The following KATNAL2 variants were observed in gnomAD, a reference collection of about 807,000 sequenced individuals.
KATNAL2 encodes katanin p60 ATPase-containing subunit A-like 2.
In KATNAL2, 52 loss-of-function variants were observed where a neutral mutation model predicts 76.3. The ratio of observed to expected loss-of-function variants is 0.68; its 90% CI spans 0.55 to 0.86. The LOEUF is 0.86. Among genes scored for constraint, KATNAL2 ranks in the 40% least tolerant of loss-of-function variants. The pLI is 0.00. For synonymous variants in KATNAL2, 243 were observed against 244.2 expected (o/e 1.00, Z 0.05); for missense variants, 660 against 668.9 (o/e 0.99, Z 0.15).
chr18:47,097,064 A>T (rs1017315184), intron 15 of KATNAL2, among the ~76,000 whole-genome samples: 1 of 146,614 alleles, frequency 6.8e-6, no homozygotes, highest in African/African-American at 2.5e-5. Context: ...GGTTGCAGTG[A>T]GCTGTGACGG....
chr18:47,098,901 G>C (rs2063359158), intron 15 of KATNAL2: 2 of 200,004 alleles, frequency 1.0e-5, no homozygotes, highest in Non-Finnish European at 2.0e-5. Context: ...CTGGTTGTTA[G>C]TTGGTTTTTG....
intron 3 of KATNAL2, among the ~76,000 whole-genome samples, chr18:47,036,772 C>T (rs1185711404): frequency 6.6e-6 from 1 of 152,210 alleles, no homozygotes; most frequent in Non-Finnish European, 1.5e-5. Flanking sequence ...TTAGGGAACA[C>T]TTGGTCCTAT....
intron 3 of KATNAL2, among the ~76,000 whole-genome samples, chr18:46,958,148 A>G (rs2059821236): frequency 6.6e-6 from 1 of 151,192 alleles, no homozygotes; most frequent in Non-Finnish European, 1.5e-5. Flanking sequence ...CTGCATTTGG[A>G]CTCAAACTGA....
At chr18:47,033,366 G>C in intron 3 of KATNAL2, 6 of 1,614,174 alleles carry the variant, frequency 3.7e-6, no homozygotes, top group Non-Finnish European at 5.1e-6. Context: ...TGCCGTTGGG[G>C]TTGTTTCCAC....
intron 3 of KATNAL2, among the ~76,000 whole-genome samples, chr18:46,962,218 C>G (rs1330062274): frequency 7.1e-6 from 1 of 141,816 alleles, no homozygotes; most frequent in Non-Finnish European, 1.5e-5. Flanking sequence ...CCAGCCTGTT[C>G]TCCACCTCCT....
intron 4 of KATNAL2, among the ~76,000 whole-genome samples, chr18:47,050,855 C>G (rs779346947): frequency 4.6e-5 from 7 of 152,034 alleles, no homozygotes; most frequent in Non-Finnish European, 1.0e-4. Flanking sequence ...ATGAATAGAC[C>G]GATGTGATGT....
intron 1 of KATNAL2, among the ~76,000 whole-genome samples, chr18:46,926,516 A>G (rs866588240): frequency 5.3e-5 from 8 of 152,106 alleles, no homozygotes; most frequent in South Asian, 4.1e-4. Context: ...TATGTGGTCA[A>G]TTTTGGAGTA....
chr18:46,961,164 T>G (rs1444546847), intron 3 of KATNAL2, among the ~76,000 whole-genome samples: 1 of 152,228 alleles, frequency 6.6e-6, no homozygotes, highest in Non-Finnish European at 1.5e-5. Flanking sequence ...ATTTTTTTCT[T>G]TAACTACAAG....
intron 3 of KATNAL2, among the ~76,000 whole-genome samples, chr18:46,954,692 G>A (rs901467877): frequency 2.0e-5 from 3 of 151,668 alleles, no homozygotes; most frequent in Admixed American, 2.0e-4. Context: ...CACCCAGGCT[G>A]GAGTACAATG....
intron 3 of KATNAL2, among the ~76,000 whole-genome samples, chr18:46,955,582 C>T (rs951493406): frequency 6.6e-6 from 1 of 151,158 alleles, no homozygotes; most frequent in Non-Finnish European, 1.5e-5. Flanking sequence ...TGTTTGGAAA[C>T]AGGGTCTCAC....
intron 3 of KATNAL2, among the ~76,000 whole-genome samples, chr18:46,958,955 C>T (rs1375723739): frequency 6.6e-6 from 1 of 152,110 alleles, no homozygotes; most frequent in East Asian, 1.9e-4. Context: ...CCTTGGTGAA[C>T]CTTTTATATT....
intron 1 of KATNAL2, among the ~76,000 whole-genome samples, chr18:46,944,196 T>A (rs987805845): frequency 9.2e-5 from 14 of 152,168 alleles, no homozygotes; most frequent in African/African-American, 3.4e-4. Flanking sequence ...ATTTCAAAGG[T>A]TATAGTTTCA....
intron 15 of KATNAL2, among the ~76,000 whole-genome samples, chr18:47,089,605 C>T (rs143686949): frequency 2.4e-4 from 36 of 152,266 alleles, no homozygotes; most frequent in African/African-American, 8.7e-4. Context: ...TCTGTGGAGG[C>T]CACATCTGTC....
Position 47,046,625 on chromosome 18 carries a change from A to C in KATNAL2, c.122+98A>C, listed in dbSNP as rs114959999. On this transcript the variant is annotated intron_variant, in intron 4 of 17. Coordinates refer to ENST00000683218, the MANE Select transcript of KATNAL2 (RefSeq NM_001387690.1). Reference sequence around the variant, plus strand: ...TTAAATACAATAGACTTTCTTGTTTAGAGCAATTCTATATTTACAGAAAAA... The same window carrying C: ...TTAAATACAATAGACTTTCTTGTTTCGAGCAATTCTATATTTACAGAAAAA... 4,875 of 866,870 alleles carry C rather than the reference A, an allele frequency of 5.6e-3. 162 individuals carry two copies. The African/African-American group carries it at 0.072, about 13-fold the overall frequency. The allele number at this position is 866,870 out of a possible 1,614,324, so 53.7% of individuals were successfully genotyped here.
At chr18:46,959,034 A>T (rs2059850035) in intron 3 of KATNAL2, among the ~76,000 whole-genome samples, 1 of 152,268 alleles carries the variant, frequency 6.6e-6, no homozygotes, top group African/African-American at 2.4e-5. Flanking sequence ...TGTTGTTAAA[A>T]TGCCTTAGTT....
At chr18:46,926,740 A>C (rs1009652210) in intron 1 of KATNAL2, among the ~76,000 whole-genome samples, 18 of 152,158 alleles carry the variant, frequency 1.2e-4, no homozygotes, top group Admixed American at 6.6e-5. Context: ...GTAGGTCACA[A>C]AGGACTTGCT....
intron 3 of KATNAL2, among the ~76,000 whole-genome samples, chr18:46,965,265 T>A (rs1401790484): frequency 8.5e-6 from 1 of 118,100 alleles, no homozygotes; most frequent in Non-Finnish European, 1.9e-5. Context: ...TGCAATCTTT[T>A]TTCCATTGTT....
At chr18:46,959,421 G>A (rs537608442) in intron 3 of KATNAL2, among the ~76,000 whole-genome samples, 59 of 152,126 alleles carry the variant, frequency 3.9e-4, no homozygotes, top group Non-Finnish European at 6.9e-4. Context: ...AGACAACCTG[G>A]AACATGTTGC....
chr18:47,067,119 G>T lies in KATNAL2; in HGVS notation c.825G>T (p.Arg275Ser). 1 of 1,518,392 alleles carries T rather than the reference G, an allele frequency of 6.6e-7. No individual in the cohort carries two copies. The highest frequency in any genetic ancestry group is 9.0e-7 in the Non-Finnish European group (1 of 1,108,586). The allele number at this position is 1,518,392 out of a possible 1,614,324, so 94.1% of individuals were successfully genotyped here. ...LVKEAVVYPI[R>S]YPQLFTGILS... ...AAGAAGCTGTTGTGTATCCTATAAG[G>T]GTAAGGACGGGAAGCCTCTTGGGGG... Residue 275 changes from arginine (R) to serine (S), a missense_variant and splice_region_variant, in exon 11 of 18, where the codon AGG becomes AGT. Physicochemically the swap from Arg to Ser is moderately radical, Grantham distance 110 (BLOSUM62 -1). Coordinates refer to ENST00000683218, the MANE Select transcript of KATNAL2 (RefSeq NM_001387690.1).
Sources: allele counts gnomAD v4.1 joint callset (sites outside exome capture counted in the v4.1 genomes callset), GRCh38; gene constraint gnomAD v4.1.1; transcripts MANE v1.5; gene names NCBI Gene and HGNC (gene_info 2026-07-23, HGNC 2026-07-21).